Variants in PREPL observed in about 807,000 individuals in gnomAD.
PREPL encodes prolyl endopeptidase like.
A neutral mutation model predicts 70.6 loss-of-function variants in PREPL; 77 were observed. The observed-to-expected ratio is 1.09, with a 90% CI of 0.91 to 1.32. The LOEUF is 1.32. Among genes scored for constraint, PREPL ranks in the 40% most tolerant of loss-of-function variants. The pLI, the probability that PREPL is intolerant of heterozygous loss-of-function variation, is 0.00. For missense variants in PREPL, 1,002 were observed against 778.2 expected (o/e 1.29, Z -3.42); for synonymous variants, 315 against 264.8 (o/e 1.19, Z -1.84).
In PREPL at chr2:44,347,667, T is replaced by C. The variant is rs528631419; in HGVS notation, c.-48-1277A>G. ...GTTTGCCTTGTTTAAGCAAAAGGAT[T>C]CTGGCCAAGATATTTTACTTCAGCT... On this transcript the variant is annotated intron_variant, in intron 1 of 13. Coordinates refer to ENST00000409411, the MANE Select transcript of PREPL (RefSeq NM_001171613.2). 3.9e-5 allele frequency among the ~76,000 whole-genome samples: 6 copies of C among 152,346 alleles called. 1 individual carries two copies. The South Asian group carries it at 1.2e-3, about 32-fold the overall frequency.
Position 44,320,470 on chromosome 2 carries a change from G to A in PREPL, c.*886C>T, listed in dbSNP as rs150557210. 98 of 1,614,122 alleles carry A rather than the reference G, an allele frequency of 6.1e-5. No individual in the cohort carries two copies. The East Asian group carries it at 1.9e-3, about 32-fold the overall frequency. On this transcript the variant is annotated 3_prime_UTR_variant, in exon 14 of 14. Transcript: ENST00000409411. Reference sequence around the variant, plus strand: ...TTAAGTACCAATTCTGCCGACAAAGGCAGTAAAGTTGATACAAGTGGCATT... The same window carrying A: ...TTAAGTACCAATTCTGCCGACAAAGACAGTAAAGTTGATACAAGTGGCATT...
At chr2:44,352,410 C>T (rs560440263) in intron 1 of PREPL, among the ~76,000 whole-genome samples, 24 of 152,108 alleles carry the variant, frequency 1.6e-4, no homozygotes, top group Non-Finnish European at 2.6e-4. Flanking sequence ...AGACTACAGG[C>T]GCCACCATGC....
rs121912693 is a variant in PREPL, at chr2:44,320,614, T to C, written c.*742A>G. 6.2e-7 allele frequency: 1 copy of C among 1,613,946 alleles called. No individual in the cohort carries two copies. Among genetic ancestry groups the C allele is most frequent in the Non-Finnish European group, 8.5e-7 (1 of 1,179,844 alleles). Reference sequence around the variant, plus strand: ...AATCGAGCATGCTATTCCAGTGTACTGAACATACTGTATACCTCGTGTTAG... The same window carrying C: ...AATCGAGCATGCTATTCCAGTGTACCGAACATACTGTATACCTCGTGTTAG... On this transcript the variant is annotated 3_prime_UTR_variant, in exon 14 of 14. Coordinates refer to ENST00000409411, the MANE Select transcript of PREPL (RefSeq NM_001171613.2).
intron 7 of PREPL, among the ~76,000 whole-genome samples, chr2:44,335,636 A>G (rs1236251075): frequency 6.6e-6 from 1 of 152,150 alleles, no homozygotes; most frequent in Non-Finnish European, 1.5e-5. Flanking sequence ...ATTCTACAGA[A>G]AGGCAAAGAT....
chr2:44,346,435 A>C (rs549091154), intron 1 of PREPL, 45 bp from the exon 2 acceptor site: 16 of 1,589,210 alleles, frequency 1.0e-5, no homozygotes, highest in Admixed American at 7.2e-5. Context: ...AACTAGGGAA[A>C]AAAAACTTTT....
intron 6 of PREPL, 33 bp downstream of exon 6, chr2:44,339,114 G>A (rs1258731287): frequency 1.2e-6 from 2 of 1,610,720 alleles, no homozygotes; most frequent in Non-Finnish European, 1.7e-6. Flanking sequence ...CTTCTTAACA[G>A]CCCAAATAGG....
chr2:44,352,810 G>A (rs777029531), intron 1 of PREPL, among the ~76,000 whole-genome samples: 3 of 152,046 alleles, frequency 2.0e-5, no homozygotes, highest in Non-Finnish European at 4.4e-5. Flanking sequence ...ATATGGAGAA[G>A]ATATCTACAG....
chr2:44,328,023 T>C (rs914488999), intron 9 of PREPL, among the ~76,000 whole-genome samples: 4 of 145,260 alleles, frequency 2.8e-5, no homozygotes. Flanking sequence ...CGGTGGCTCA[T>C]GCCTGTAATC....
intron 1 of PREPL, among the ~76,000 whole-genome samples, chr2:44,355,539 A>G (rs1676934900): frequency 6.6e-6 from 1 of 152,144 alleles, no homozygotes; most frequent in African/African-American, 2.4e-5. Flanking sequence ...ACAGAGTGAG[A>G]CACTGTCTCA....
chr2:44,328,930 G>T lies in PREPL; in HGVS notation c.1262+7C>A, dbSNP rs1464876760. ...ACTTACATGCCAGGTAAAATATACT[G>T]ACTCACCGAACATGGCAGTATGCTA... is the stretch of plus-strand genomic sequence containing the variant. On this transcript the variant is annotated splice_region_variant and intron_variant, in intron 9 of 13. Coordinates refer to ENST00000409411, the MANE Select transcript of PREPL (RefSeq NM_001171613.2). 1 of 1,608,614 alleles carries T rather than the reference G, an allele frequency of 6.2e-7. No individual in the cohort carries two copies. The highest frequency in any genetic ancestry group is 1.3e-5 in the African/African-American group (1 of 74,826).
rs773963567 is a variant in PREPL at position 44,359,617 on chromosome 2, G to A, written c.-49+1763C>T. On this transcript the variant is annotated intron_variant, in intron 1 of 13. Transcript: ENST00000409411. ...TTATTCTATTGTAACAATGATCAGC[G>A]AAGTTATAGTGATTCAAATGCTGTT... The A allele has an allele frequency of 4.3e-6, 7 of 1,611,214 alleles. No individual in the cohort carries two copies. Among genetic ancestry groups the A allele is most frequent in the South Asian group, 2.2e-5 (2 of 91,004 alleles).
chr2:44,348,956 C>T (rs149096595), intron 1 of PREPL, among the ~76,000 whole-genome samples: 7 of 152,220 alleles, frequency 4.6e-5, no homozygotes, highest in African/African-American at 7.2e-5. Flanking sequence ...GTATCTTAGT[C>T]CAGTTGTTTC....
intron 1 of PREPL, among the ~76,000 whole-genome samples, chr2:44,351,684 A>G (rs1417090515): frequency 1.3e-5 from 2 of 152,154 alleles, no homozygotes; most frequent in African/African-American, 4.8e-5. Context: ...CTTTCAACAT[A>G]TATTTAGAAT....
At chr2:44,327,924 C>T (rs886684407) in intron 9 of PREPL, among the ~76,000 whole-genome samples, 3 of 151,380 alleles carry the variant, frequency 2.0e-5, no homozygotes, top group Admixed American at 1.3e-4. Flanking sequence ...CTGAGGCGGG[C>T]GGACTGCTTG....
chr2:44,328,520 T>G (rs999706026), intron 9 of PREPL, among the ~76,000 whole-genome samples: 2 of 149,502 alleles, frequency 1.3e-5, no homozygotes, highest in Non-Finnish European at 3.0e-5. Flanking sequence ...AGTATTATAC[T>G]GGGGAATCTG....
chr2:44,346,033 A>G (rs989047951), intron 2 of PREPL, among the ~76,000 whole-genome samples: 1 of 152,018 alleles, frequency 6.6e-6, no homozygotes, highest in African/African-American at 2.4e-5. Context: ...GAATTAATAT[A>G]TTACAGTTGA....
At chr2:44,358,737 T>G (rs953714104) in intron 1 of PREPL, among the ~76,000 whole-genome samples, 1 of 152,178 alleles carries the variant, frequency 6.6e-6, no homozygotes, top group African/African-American at 2.4e-5. Flanking sequence ...CGCCCACAGC[T>G]TGGGGTCTGG....
At chr2:44,343,177 GCAA>G (rs1675412215) in intron 4 of PREPL, among the ~76,000 whole-genome samples, 2 of 152,256 alleles carry the variant, frequency 1.3e-5, no homozygotes, top group African/African-American at 4.8e-5. Flanking sequence ...TCAATTCACT[GCAA>G]CAACATTTAG....
chr2:44,341,190 A>C (rs896339063), intron 5 of PREPL, among the ~76,000 whole-genome samples: 2 of 152,028 alleles, frequency 1.3e-5, no homozygotes, highest in Non-Finnish European at 2.9e-5. Context: ...GGGTTCTTTA[A>C]ATCTCTTAGG....
Sources: allele counts gnomAD v4.1 joint callset (sites outside exome capture counted in the v4.1 genomes callset), GRCh38; gene constraint gnomAD v4.1.1; transcripts MANE v1.5; gene names NCBI Gene and HGNC (gene_info 2026-07-23, HGNC 2026-07-21).